Variants in TMEM38B observed in about 807,000 individuals in gnomAD.
TMEM38B encodes trimeric intracellular cation channel type B.
In TMEM38B, 24 loss-of-function variants were observed where a neutral mutation model predicts 28.7. The ratio of observed to expected loss-of-function variants is 0.84; its 90% confidence interval spans 0.61 to 1.18. The LOEUF (loss-of-function observed/expected upper bound fraction) is 1.18. Ranked by LOEUF, TMEM38B falls within the 50% of genes most tolerant of loss-of-function variation. The pLI, the probability that TMEM38B is intolerant of heterozygous loss-of-function variation, is 0.00. For missense variants in TMEM38B, 380 were observed against 350.9 expected (o/e 1.08, Z -0.66); for synonymous variants, 131 against 127.7 (o/e 1.03, Z -0.17).
intron 1 of TMEM38B, among the ~76,000 whole-genome samples, chr9:105,703,009 A>G (rs986179497): frequency 4.6e-5 from 7 of 151,174 alleles, no homozygotes; most frequent in Admixed American, 4.6e-4. Context: ...ATTAAAGTTC[A>G]TATGTAATTA....
At chr9:105,743,590 C>G (rs901629173) in intron 4 of TMEM38B, among the ~76,000 whole-genome samples, 4 of 152,088 alleles carry the variant, frequency 2.6e-5, no homozygotes, top group African/African-American at 9.7e-5. Flanking sequence ...TTAGACTTTA[C>G]AATTTAAGCA....
chr9:105,743,828 GT>G (rs1175641818), intron 4 of TMEM38B, among the ~76,000 whole-genome samples: 1 of 152,046 alleles, frequency 6.6e-6, no homozygotes, highest in Non-Finnish European at 1.5e-5. Flanking sequence ...GCACTGTAAG[GT>G]TTTTAAAGAC....
At position 105,775,393 on chromosome 9, in the gene TMEM38B, C is replaced by T. The variant is rs1327165401; in HGVS notation, c.*1313C>T. ...CAGTTATAATATTAAAACTCTGTGA[C>T]ATAGTTTCTTTTACCAAAACCATGA... On this transcript the variant is annotated 3_prime_UTR_variant, in exon 6 of 6. Coordinates refer to ENST00000374692, the MANE Select transcript of TMEM38B (RefSeq NM_018112.3). 1 of 152,076 alleles carries T rather than the reference C, an allele frequency of 6.6e-6. No individual in the cohort carries two copies. The highest frequency in any genetic ancestry group is 1.5e-5 in the Non-Finnish European group (1 of 67,978). The allele number at this position is 152,076 out of a possible 1,614,324, so 9.4% of individuals were successfully genotyped here. A position where few individuals can be genotyped will look rare whatever the true frequency, so the allele number is the denominator to read the frequency against.
chr9:105,733,360 T>C (rs112898625), intron 4 of TMEM38B, among the ~76,000 whole-genome samples: 195 of 152,164 alleles, frequency 1.3e-3, no homozygotes, highest in African/African-American at 4.5e-3. Flanking sequence ...TTTACTGATA[T>C]GGTATTGAGG....
intron 5 of TMEM38B, among the ~76,000 whole-genome samples, chr9:105,752,095 C>T (rs981135105): frequency 2.0e-4 from 30 of 151,996 alleles, no homozygotes; most frequent in East Asian, 3.9e-4. Context: ...TTTTTTAAGC[C>T]GGGCCATGAT....
intron 5 of TMEM38B, chr9:105,748,940 C>A: frequency 2.0e-6 from 1 of 496,124 alleles, no homozygotes; most frequent in Non-Finnish European, 3.1e-6. Flanking sequence ...AATTTTATGG[C>A]CACCTCTGTT....
intron 4 of TMEM38B, among the ~76,000 whole-genome samples, chr9:105,722,829 T>C (rs1836370880): frequency 6.6e-6 from 1 of 152,198 alleles, no homozygotes; most frequent in South Asian, 2.1e-4. Context: ...ATTTTCCTTC[T>C]CTGTGGGTTT....
At chr9:105,758,880 G>A (rs1837930712) in intron 5 of TMEM38B, 1 of 1,050,760 alleles carries the variant, frequency 9.5e-7, no homozygotes, top group Non-Finnish European at 1.5e-6. Flanking sequence ...CCAGGAAGAT[G>A]TTGAAGAAAT....
At position 105,704,242 on chromosome 9, in the gene TMEM38B, C is replaced by T. The variant is rs138835512; in HGVS notation, c.113-1355C>T. Among the ~76,000 whole-genome samples the T allele has an allele frequency of 2.4e-3, 358 of 150,754 alleles. 2 individuals are homozygous for T. The highest frequency in any genetic ancestry group is 8.4e-3 in the African/African-American group (345 of 40,966). ...AAACTTAAAGTATAAAAAAAAAATACAAAAATTAGCCTGGTGTGGTGGCGC... is the reference window on the plus strand; with the variant it reads ...AAACTTAAAGTATAAAAAAAAAATATAAAAATTAGCCTGGTGTGGTGGCGC... On this transcript the variant is annotated intron_variant, in intron 1 of 5. Transcript: ENST00000374692.
chr9:105,731,630 A>G (rs1247211927), intron 4 of TMEM38B, among the ~76,000 whole-genome samples: 2 of 152,192 alleles, frequency 1.3e-5, no homozygotes, highest in Non-Finnish European at 2.9e-5. Context: ...TACAAAGGAC[A>G]TGAACTCATC....
chr9:105,744,214 A>G (rs1837305327), intron 4 of TMEM38B, among the ~76,000 whole-genome samples: 2 of 152,148 alleles, frequency 1.3e-5, no homozygotes, highest in Admixed American at 6.5e-5. Flanking sequence ...TATAAACAAT[A>G]GAAGAATGGA....
chr9:105,724,581 C>G (rs1421447654), intron 4 of TMEM38B, among the ~76,000 whole-genome samples: 2 of 151,276 alleles, frequency 1.3e-5, no homozygotes, highest in East Asian at 3.9e-4. Flanking sequence ...TGAGATCGCA[C>G]CACTGCACTC....
Position 105,721,516 on chromosome 9 carries a change from AT to A in TMEM38B, c.270-20del. 6.5e-7 allele frequency: 1 copy of A among 1,533,740 alleles called. No individual in the cohort carries two copies. Among genetic ancestry groups the A allele is most frequent in the South Asian group, 1.3e-5 (1 of 78,744 alleles). On this transcript the variant is annotated intron_variant, in intron 2 of 5. Coordinates refer to ENST00000374692, the MANE Select transcript of TMEM38B (RefSeq NM_018112.3). Reference sequence around the variant, plus strand: ...CTTCTGATTCCATTAATATATTAAAATGTTTACATTTCATTTTCAGGTATAT... The same window carrying A: ...CTTCTGATTCCATTAATATATTAAAAGTTTACATTTCATTTTCAGGTATAT...
At chr9:105,743,955 G>T (rs749800965) in intron 4 of TMEM38B, among the ~76,000 whole-genome samples, 6 of 152,088 alleles carry the variant, frequency 3.9e-5, no homozygotes, top group Admixed American at 6.6e-5. Flanking sequence ...TTTTGTTGGA[G>T]AGTCAGAATA....
intron 2 of TMEM38B, 96 bp downstream of exon 2, chr9:105,705,849 G>A (rs1253280688): frequency 2.0e-5 from 27 of 1,327,182 alleles, no homozygotes; most frequent in Middle Eastern, 2.3e-4. Context: ...AATATTTTAC[G>A]TGCTTGAAAA....
Position 105,763,303 on chromosome 9 carries a change from T to A in TMEM38B, c.661-10562T>A, listed in dbSNP as rs1228480016. On this transcript the variant is annotated intron_variant, in intron 5 of 5. Coordinates refer to ENST00000374692, the MANE Select transcript of TMEM38B (RefSeq NM_018112.3). ...CAATTTTGGCTTTGGTTGCCATTGC[T>A]TTTGGTGTTTTAGACATGAAGTCCT... Among the ~76,000 whole-genome samples, 3 of 152,212 alleles carry A rather than the reference T, an allele frequency of 2.0e-5. No individual in the cohort carries two copies. In the South Asian group the frequency reaches 6.2e-4, roughly 32 times the overall value.
intron 2 of TMEM38B, chr9:105,710,721 G>A: frequency 1.6e-6 from 1 of 630,516 alleles, no homozygotes; most frequent in Non-Finnish European, 3.1e-6. Flanking sequence ...CAGACCTGGT[G>A]TCGTTGGCTA....
chr9:105,759,910 A>G, intron 5 of TMEM38B: 4 of 1,594,468 alleles, frequency 2.5e-6, no homozygotes, highest in Non-Finnish European at 3.4e-6. Context: ...AGTGGCTGAA[A>G]TGATCATGAA....
At chr9:105,722,643 T>G in intron 4 of TMEM38B, 22 bp downstream of exon 4, 1 of 1,582,600 alleles carries the variant, frequency 6.3e-7, no homozygotes, top group East Asian at 2.2e-5. Flanking sequence ...TAAATTATAC[T>G]GAGACCTAGA....
Sources: gnomAD v4.1 joint callset for allele counts (sites outside exome capture counted in the v4.1 genomes callset) on GRCh38, gnomAD v4.1.1 for gene constraint, MANE v1.5 for transcripts, NCBI Gene and HGNC (gene_info 2026-07-23, HGNC 2026-07-21) for gene names.